COL23A1: variants seen among roughly 807,000 people sequenced by gnomAD.
The protein encoded by COL23A1 is collagen type XXIII alpha 1 chain.
Under a neutral mutation model 99.3 loss-of-function variants are expected in COL23A1, and 97 were observed. The observed-to-expected ratio is 0.98, with a 90% CI of 0.83 to 1.16. The LOEUF (loss-of-function observed/expected upper bound fraction) is 1.16. Among genes scored for constraint, COL23A1 ranks in the 50% most tolerant of loss-of-function variants. The probability of loss-of-function intolerance (pLI) is 0.00; values close to 1 mark genes in which losing one functional copy is unlikely to be tolerated. For missense variants in COL23A1, 762 were observed against 757.4 expected, an observed-to-expected ratio of 1.01 and a Z score of -0.07; for synonymous variants, 320 against 308.2, an observed-to-expected ratio of 1.04 and a Z score of -0.40.
chr5:178,412,103 A>T (rs1765085534), intron 2 of COL23A1, among the ~76,000 whole-genome samples: 1 of 152,242 alleles, frequency 6.6e-6, no homozygotes, highest in African/African-American at 2.4e-5. Flanking sequence ...TAAAAATGGA[A>T]GCAGCGTAAG....
chr5:178,446,185 C>A (rs1473546754), intron 2 of COL23A1, among the ~76,000 whole-genome samples: 3 of 151,940 alleles, frequency 2.0e-5, no homozygotes, highest in African/African-American at 7.2e-5. Context: ...TAGCTATAAA[C>A]ATGGTCATAC....
At chr5:178,305,887 CTACACAGGGAAGCAGGT>C (rs1405508886) in intron 3 of COL23A1, among the ~76,000 whole-genome samples, 1 of 152,064 alleles carries the variant, frequency 6.6e-6, no homozygotes, top group Non-Finnish European at 1.5e-5. Context: ...AGCCAGGTGT[CTACACAGGGAAGCAGGT>C]GGCTAGATGC....
At position 178,309,000 on chromosome 5, in the gene COL23A1, C is replaced by T. The variant is rs1294496551; in HGVS notation, c.362-2081G>A. On this transcript the variant is annotated intron_variant, in intron 2 of 28. Transcript: ENST00000390654. This position sits in a 1 kb window ranked among gnomAD's most constrained non-coding sequence, Gnocchi z 5.1. ...AGGCCTCAGGTTGTGCTCGGCCCAG[C>T]GAAGCAGTAGGCCCCGGGCCCCAGG... is the stretch of plus-strand genomic sequence containing the variant. Among the ~76,000 whole-genome samples, 7 of 152,236 alleles carry T rather than the reference C, an allele frequency of 4.6e-5. No homozygotes were observed. The South Asian group carries it at 6.2e-4, about 14-fold the overall frequency.
chr5:178,373,895 C>T (rs1050316651), intron 2 of COL23A1, among the ~76,000 whole-genome samples: 2 of 152,150 alleles, frequency 1.3e-5, no homozygotes, highest in African/African-American at 4.8e-5. Flanking sequence ...AGTCAGAGCT[C>T]GCTTTGAACA....
chr5:178,250,978 CAAAAAAAAAAAA>C (rs558621690), intron 17 of COL23A1, among the ~76,000 whole-genome samples: 1 of 72,096 alleles, frequency 1.4e-5, no homozygotes, highest in Non-Finnish European at 2.5e-5. Context: ...GACTCCGTCT[CAAAAAAAAAAAA>C]AAAAAAAAAG....
intron 2 of COL23A1, among the ~76,000 whole-genome samples, chr5:178,337,019 C>T (rs899086206): frequency 4.6e-5 from 7 of 152,182 alleles, no homozygotes; most frequent in Non-Finnish European, 8.8e-5. Context: ...CTCAGAGCGG[C>T]GGAAACAGGG....
chr5:178,549,641 C>A (rs1003642756), intron 2 of COL23A1, among the ~76,000 whole-genome samples: 10 of 151,948 alleles, frequency 6.6e-5, no homozygotes, highest in Non-Finnish European at 1.5e-4. Context: ...TATGGTGAAA[C>A]CCTGTCTCTA....
Position 178,387,194 on chromosome 5 carries a change from C to T in COL23A1, c.362-80275G>A, listed in dbSNP as rs1763720686. On this transcript the variant is annotated intron_variant, in intron 2 of 28. Coordinates refer to ENST00000390654, the MANE Select transcript of COL23A1 (RefSeq NM_173465.4). The surrounding 1 kb of genome is among the most constrained non-coding windows in gnomAD (Gnocchi z 4.7). ...GTGCTGACAGCTCACAGCAACCCTG[C>T]CCGAGTCTTCAATGGCCCCCACACA... is the stretch of plus-strand genomic sequence containing the variant. Among the ~76,000 whole-genome samples the T allele has an allele frequency of 6.6e-6, 1 of 152,074 alleles. No individual in the cohort carries two copies. Among genetic ancestry groups the T allele is most frequent in the South Asian group, 2.1e-4 (1 of 4,818 alleles).
At chr5:178,424,242 C>T (rs1235765979) in intron 2 of COL23A1, among the ~76,000 whole-genome samples, 1 of 152,254 alleles carries the variant, frequency 6.6e-6, no homozygotes, top group Admixed American at 6.5e-5. Context: ...GGTGCCAAAG[C>T]AACTCTCCAG....
chr5:178,515,555 T>C (rs1311228744), intron 2 of COL23A1, among the ~76,000 whole-genome samples: 1 of 152,112 alleles, frequency 6.6e-6, no homozygotes, highest in Non-Finnish European at 1.5e-5. Flanking sequence ...TACCTGCCCA[T>C]CCTGGTGCAC....
intron 2 of COL23A1, among the ~76,000 whole-genome samples, chr5:178,368,490 A>G (rs1762615428): frequency 6.6e-6 from 1 of 152,230 alleles, no homozygotes; most frequent in African/African-American, 2.4e-5. Context: ...TCTTGGTAGC[A>G]TACATCCTGT....
At chr5:178,289,922 CAT>C (rs1427977590) in intron 4 of COL23A1, among the ~76,000 whole-genome samples, 1 of 152,174 alleles carries the variant, frequency 6.6e-6, no homozygotes, top group Non-Finnish European at 1.5e-5. Flanking sequence ...CCCCCAAACA[CAT>C]GAGTTTTTGT....
intron 2 of COL23A1, among the ~76,000 whole-genome samples, chr5:178,358,336 CTAA>C (rs1201262426): frequency 2.2e-5 from 3 of 136,012 alleles, no homozygotes; most frequent in East Asian, 2.3e-4. Flanking sequence ...GTATGTATGT[CTAA>C]TGTGTGTATT....
intron 2 of COL23A1, among the ~76,000 whole-genome samples, chr5:178,400,524 C>G (rs1221429821): frequency 6.6e-6 from 1 of 152,080 alleles, no homozygotes; most frequent in African/African-American, 2.4e-5. Context: ...CTATAGTTTT[C>G]TAAAAATTGT....
intron 2 of COL23A1, among the ~76,000 whole-genome samples, chr5:178,429,497 C>G (rs1049874360): frequency 1.3e-5 from 2 of 152,242 alleles, no homozygotes; most frequent in Non-Finnish European, 2.9e-5. Flanking sequence ...AAACAGATAG[C>G]TGCAGTGTCG....
At chr5:178,469,579 A>G (rs1260413742) in intron 2 of COL23A1, among the ~76,000 whole-genome samples, 1 of 151,800 alleles carries the variant, frequency 6.6e-6, no homozygotes, top group African/African-American at 2.4e-5. Flanking sequence ...ACCACAGCTG[A>G]GCACTCTCGG....
intron 2 of COL23A1, among the ~76,000 whole-genome samples, chr5:178,509,689 G>A (rs1264869814): frequency 6.6e-6 from 1 of 152,058 alleles, no homozygotes; most frequent in Admixed American, 6.6e-5. Context: ...GTGGCCACAC[G>A]GCACTAACCA....
chr5:178,265,777 G>C, intron 8 of COL23A1: 1 of 901,612 alleles, frequency 1.1e-6, no homozygotes, highest in Non-Finnish European at 1.3e-6. Context: ...GTGATCTGAA[G>C]AACTACAAGG....
At chr5:178,420,785 A>G (rs569215190) in intron 2 of COL23A1, among the ~76,000 whole-genome samples, 1 of 148,028 alleles carries the variant, frequency 6.8e-6, no homozygotes, top group Admixed American at 6.8e-5. Context: ...AGAATCTCCC[A>G]AACAATGAGA....
Sources: gnomAD v4.1 joint callset for allele counts (sites outside exome capture counted in the v4.1 genomes callset) on GRCh38, gnomAD v4.1.1 for gene constraint, Gnocchi (gnomAD v3.1) non-coding constraint, MANE v1.5 for transcripts, NCBI Gene and HGNC (gene_info 2026-07-23, HGNC 2026-07-21) for gene names.